Variants in BICD1 observed in about 807,000 individuals in gnomAD.
The protein encoded by BICD1 is BICD cargo adaptor 1.
In BICD1, 35 loss-of-function variants were observed where a neutral mutation model predicts 92.5. The observed-to-expected ratio is 0.38, with a 90% CI of 0.29 to 0.50. The LOEUF (loss-of-function observed/expected upper bound fraction) is 0.50. Among genes scored for constraint, BICD1 ranks in the 20% least tolerant of loss-of-function variants. The pLI is 0.93. For missense variants in BICD1, 950 were observed against 1,189.8 expected (o/e 0.80, Z 2.97); for synonymous variants, 429 against 465.1 (o/e 0.92, Z 1.00).
At chr12:32,333,697 CA>C (rs1428245054) in intron 5 of BICD1, among the ~76,000 whole-genome samples, 3 of 152,314 alleles carry the variant, frequency 2.0e-5, no homozygotes, top group East Asian at 1.9e-4. Flanking sequence ...ATGCATCAAA[CA>C]GGCAATCCCT....
chr12:32,245,258 T>TC (rs1946346959), intron 2 of BICD1, among the ~76,000 whole-genome samples: 1 of 151,740 alleles, frequency 6.6e-6, no homozygotes, highest in African/African-American at 2.4e-5. Context: ...TTGTTTTTTT[T>TC]TTTTTTGAGA....
rs993930045 is a variant in BICD1 at position 32,223,417 on chromosome 12, C to G, written c.426+6958C>G. 5.3e-5 allele frequency among the ~76,000 whole-genome samples: 8 copies of G among 151,312 alleles called. No homozygotes were observed. The East Asian group carries it at 1.4e-3, about 26-fold the overall frequency. On this transcript the variant is annotated intron_variant, in intron 2 of 9. Coordinates refer to ENST00000652176, the MANE Select transcript of BICD1 (RefSeq NM_001714.4). ...CCCGTAGTCCCAGCTACTCGGGAGG[C>G]TGAGGCGGAGAATCGCTTGAACGTG...
chr12:32,322,818 G>A (rs1174871662), intron 4 of BICD1, among the ~76,000 whole-genome samples: 3 of 152,184 alleles, frequency 2.0e-5, no homozygotes, highest in Non-Finnish European at 4.4e-5. Context: ...TAACACTTTT[G>A]CTGCTAAAAC....
intron 5 of BICD1, among the ~76,000 whole-genome samples, chr12:32,329,823 T>G (rs1937760867): frequency 1.3e-5 from 2 of 152,184 alleles, no homozygotes. Flanking sequence ...GAGTTTTACC[T>G]TGGTGGGAGT....
chr12:32,234,245 G>T (rs1945989533), intron 2 of BICD1, among the ~76,000 whole-genome samples: 1 of 152,182 alleles, frequency 6.6e-6, no homozygotes, highest in Admixed American at 6.5e-5. Context: ...AACATTAAAA[G>T]TACTTTTTTA....
chr12:32,253,534 T>C (rs1328803966), intron 2 of BICD1, among the ~76,000 whole-genome samples: 1 of 152,292 alleles, frequency 6.6e-6, no homozygotes, highest in East Asian at 1.9e-4. Context: ...GACTGTTTCC[T>C]CTTTTAAGAA....
At chr12:32,238,859 GAT>G (rs1302683491) in intron 2 of BICD1, among the ~76,000 whole-genome samples, 6 of 147,668 alleles carry the variant, frequency 4.1e-5, no homozygotes, top group South Asian at 4.4e-4. Flanking sequence ...CAGGAGAATC[GAT>G]TGAACCCGGG....
chr12:32,345,411 C>CAGT (rs1938529710), intron 8 of BICD1, among the ~76,000 whole-genome samples: 1 of 151,942 alleles, frequency 6.6e-6, no homozygotes, highest in South Asian at 2.1e-4. Context: ...AAAGGGTATA[C>CAGT]AGTAGATGGT....
chr12:32,192,195 G>T (rs890412846), intron 1 of BICD1, among the ~76,000 whole-genome samples: 1 of 152,120 alleles, frequency 6.6e-6, no homozygotes, highest in African/African-American at 2.4e-5. Flanking sequence ...ACTTTGGGAG[G>T]CCAAGGTGGG....
chr12:32,189,153 A>G (rs930821543), intron 1 of BICD1, among the ~76,000 whole-genome samples: 2 of 152,224 alleles, frequency 1.3e-5, no homozygotes, highest in African/African-American at 2.4e-5. Context: ...AAATTCAACA[A>G]TGGATCTGAA....
rs1592739522 is a variant in BICD1, at chr12:32,379,362, T to C, written c.*1735T>C. 1 of 152,194 alleles carries C rather than the reference T, an allele frequency of 6.6e-6. No individual in the cohort carries two copies. Among genetic ancestry groups the C allele is most frequent in the Non-Finnish European group, 1.5e-5 (1 of 68,042 alleles). The allele number at this position is 152,194 out of a possible 1,614,324, so 9.4% of individuals were successfully genotyped here. A position where few individuals can be genotyped will look rare whatever the true frequency, so the allele number is the denominator to read the frequency against. On this transcript the variant is annotated 3_prime_UTR_variant, in exon 10 of 10. Coordinates refer to ENST00000652176, the MANE Select transcript of BICD1 (RefSeq NM_001714.4). ...AAGCAACCAGGACGTTTTGTGTTCT[T>C]TATATGAGTGCTATTTTCCACAGTG...
intron 2 of BICD1, among the ~76,000 whole-genome samples, chr12:32,237,595 A>G (rs767051533): frequency 1.3e-5 from 2 of 152,318 alleles, no homozygotes; most frequent in Non-Finnish European, 2.9e-5. Context: ...GGCAATGCTC[A>G]TTGAACATTC....
intron 1 of BICD1, among the ~76,000 whole-genome samples, chr12:32,155,629 T>C (rs764334734): frequency 6.6e-6 from 1 of 152,208 alleles, no homozygotes; most frequent in Non-Finnish European, 1.5e-5. Flanking sequence ...GCAAAGCAGC[T>C]GCACCTTTCC....
chr12:32,314,907 A>T (rs1227284802), intron 4 of BICD1, among the ~76,000 whole-genome samples: 1 of 152,122 alleles, frequency 6.6e-6, no homozygotes, highest in Non-Finnish European at 1.5e-5. Context: ...TAGCCTTCTG[A>T]GTAGCTGGGA....
rs2388987 is a variant in BICD1 at position 32,337,435 on chromosome 12, G to C, written c.2253-64G>C. ...TTTCGGTCAAATTTATTACTTTTCA[G>C]CTTAACTCCCAAATTCAGTTTCACC... On this transcript the variant is annotated intron_variant, in intron 6 of 9. Coordinates refer to ENST00000652176, the MANE Select transcript of BICD1 (RefSeq NM_001714.4). This position sits in a 1 kb window ranked among gnomAD's most constrained non-coding sequence, Gnocchi z 4.7. 1.4e-6 allele frequency: 2 copies of C among 1,474,512 alleles called. No individual in the cohort carries two copies. Among genetic ancestry groups the C allele is most frequent in the African/African-American group, 2.8e-5 (2 of 71,064 alleles). The allele number at this position is 1,474,512 out of a possible 1,614,324, so 91.3% of individuals were successfully genotyped here. A position where few individuals can be genotyped will look rare whatever the true frequency, so the allele number is the denominator to read the frequency against.
chr12:32,162,113 C>T (rs1460468682), intron 1 of BICD1, among the ~76,000 whole-genome samples: 1 of 152,168 alleles, frequency 6.6e-6, no homozygotes, highest in Non-Finnish European at 1.5e-5. Context: ...GGCTTGATGG[C>T]AGCAACAGCC....
chr12:32,146,829 CCCTCCCTT>C lies in BICD1; in HGVS notation c.213+39289_213+39296del, dbSNP rs1208277474. Among the ~76,000 whole-genome samples, 24 of 138,278 alleles carry C rather than the reference CCCTCCCTT, an allele frequency of 1.7e-4. No individual in the cohort carries two copies. In the East Asian group the frequency reaches 2.5e-3, roughly 14 times the overall value. The allele number at this position is 138,278 out of a possible 152,430, so 90.7% of individuals were successfully genotyped here. A position where few individuals can be genotyped will look rare whatever the true frequency, so the allele number is the denominator to read the frequency against. On this transcript the variant is annotated intron_variant, in intron 1 of 9. Transcript: ENST00000652176. The stretch of plus-strand genomic sequence containing the variant: ...TCCTTTCCTCCCTCCCTCCCTCCCT[CCCTCCCTT>C]CCTTCCTTCCTTCTCCTCCTCCTTC...
chr12:32,320,665 A>G (rs1218252669), intron 4 of BICD1, among the ~76,000 whole-genome samples: 1 of 149,556 alleles, frequency 6.7e-6, no homozygotes, highest in African/African-American at 2.5e-5. Flanking sequence ...AATAAAAAAT[A>G]AAAGGTAAAC....
chr12:32,334,436 T>C (rs1038753697), intron 5 of BICD1, 80 bp from the exon 6 acceptor site: 1 of 1,371,782 alleles, frequency 7.3e-7, no homozygotes, highest in Non-Finnish European at 9.7e-7. Flanking sequence ...TAAAAGAACA[T>C]AATAGGCACA....
Sources: allele counts gnomAD v4.1 joint callset (sites outside exome capture counted in the v4.1 genomes callset), GRCh38; gene constraint gnomAD v4.1.1; non-coding constraint Gnocchi (gnomAD v3.1); transcripts MANE v1.5; gene names NCBI Gene and HGNC (gene_info 2026-07-23, HGNC 2026-07-21).